PEX11B: variants seen among roughly 807,000 people sequenced by gnomAD.
PEX11B encodes the protein peroxisomal membrane protein 11B.
A neutral mutation model predicts 28.2 loss-of-function variants in PEX11B; 18 were observed. The observed-to-expected ratio is 0.64, with a 90% CI of 0.44 to 0.95. PEX11B has a LOEUF of 0.95. Among genes scored for constraint, PEX11B ranks in the 40% least tolerant of loss-of-function variants. The pLI is 0.00. For missense variants in PEX11B, 305 were observed against 319.8 expected, an observed-to-expected ratio of 0.95 and a Z score of 0.35; for synonymous variants, 128 against 128.7, an observed-to-expected ratio of 0.99 and a Z score of 0.04.
rs1334969207 is a variant in PEX11B at position 145,912,597 on chromosome 1, G to A, written c.375-31C>T. On this transcript the variant is annotated intron_variant, in intron 3 of 3. Transcript: ENST00000369306. ...ACACAGAGCAAAAGGGTCAGTAAGG[G>A]CATGTATACCTACTTAACATATCCA... 5 of 1,396,828 alleles carry A rather than the reference G, an allele frequency of 3.6e-6. No homozygotes were observed. The African/African-American group carries it at 7.2e-5, about 20-fold the overall frequency. 86.5% of individuals were successfully genotyped at this position (1,396,828 alleles called of 1,614,324 possible).
At chr1:145,918,301 T>C (rs1553754260) in intron 1 of PEX11B, 33 of 1,479,216 alleles carry the variant, frequency 2.2e-5, no homozygotes, top group Non-Finnish European at 2.8e-5. Context: ...CCTCCTCAGC[T>C]CTGGGGGCAG....
intron 3 of PEX11B, among the ~76,000 whole-genome samples, chr1:145,914,518 CA>C (rs1647276082): frequency 6.6e-6 from 1 of 152,190 alleles, no homozygotes; most frequent in African/African-American, 2.4e-5. Context: ...TACCTTGTAT[CA>C]TTCTTTCCTG....
rs1657792854 is a variant in PEX11B at position 145,911,680 on chromosome 1, A to G, written c.*481T>C. 6.3e-6 allele frequency: 1 copy of G among 158,344 alleles called. No individual in the cohort carries two copies. Among genetic ancestry groups the G allele is most frequent in the African/African-American group, 2.4e-5 (1 of 42,240 alleles). The allele number at this position is 158,344 out of a possible 1,614,324, so 9.8% of individuals were successfully genotyped here. A position where few individuals can be genotyped will look rare whatever the true frequency, so the allele number is the denominator to read the frequency against. ...ATAAGGGAAGAGTCCACTGGCACAT[A>G]GTCTTAAAAATTATGTTTGGAGTTT... On this transcript the variant is annotated 3_prime_UTR_variant, in exon 4 of 4. Transcript: ENST00000369306.
In PEX11B at chr1:145,917,813, G is replaced by T. The variant is rs201762770; in HGVS notation, c.60C>A (p.Ala20=). Residue 20 remains alanine, a synonymous_variant, in exon 2 of 4, where the codon GCC becomes GCA. Transcript: ENST00000369306. ...CAAGAAGAGAGCAAGCATACTGGGC[G>T]GCCCTAGAGGAGAGGGCAGGCAAGG... ...QSQARERLCR[A]AQYACSLLGH... is the part of the protein sequence containing the mutation. 1.9e-6 allele frequency: 3 copies of T among 1,606,892 alleles called. No homozygotes were observed. Among genetic ancestry groups the T allele is most frequent in the Non-Finnish European group, 2.6e-6 (3 of 1,173,452 alleles).
intron 3 of PEX11B, among the ~76,000 whole-genome samples, chr1:145,913,968 C>A (rs1269659199): frequency 2.0e-5 from 3 of 152,210 alleles, no homozygotes; most frequent in Non-Finnish European, 4.4e-5. Flanking sequence ...TGGACTTCTG[C>A]TTTAATGTTT....
rs1241370311 is a variant in PEX11B at position 145,917,097 on chromosome 1, G to A, written c.173-79C>T. On this transcript the variant is annotated intron_variant, in intron 2 of 3. Coordinates refer to ENST00000369306, the MANE Select transcript of PEX11B (RefSeq NM_003846.3). ...CAAGAAACAGAAACAGAGAAAGCAA[G>A]AGGGCAAAAGTTGAGCAATAATAAT... 8 of 926,610 alleles carry A rather than the reference G, an allele frequency of 8.6e-6. No homozygotes were observed. The African/African-American group carries it at 9.7e-5, about 11-fold the overall frequency. The allele number at this position is 926,610 out of a possible 1,614,324, so 57.4% of individuals were successfully genotyped here. A position where few individuals can be genotyped will look rare whatever the true frequency, so the allele number is the denominator to read the frequency against.
In PEX11B at chr1:145,912,328, G is replaced by A. The variant is rs782621449; in HGVS notation, c.613C>T (p.Pro205Ser). The change falls in exon 4 of 4, where the codon CCC becomes TCC. Residue 205 changes from proline (P) to serine (S), a missense_variant. Transcript: ENST00000369306. ...CTGACCACGTCTAGCAGAAGTGGGG[G>A]ATGACCTCTAAGGACTCGAGCCAGG... ...LLLARVLRGH[P>S]PLLLDVVRNA... 9 of 1,613,932 alleles carry A rather than the reference G, an allele frequency of 5.6e-6. No individual in the cohort carries two copies. The Admixed American group carries it at 1.5e-4, about 27-fold the overall frequency.
intron 3 of PEX11B, among the ~76,000 whole-genome samples, chr1:145,914,460 C>T (rs1425285536): frequency 6.6e-6 from 1 of 152,070 alleles, no homozygotes; most frequent in Non-Finnish European, 1.5e-5. Flanking sequence ...ATATAAATAC[C>T]TTAGAGAGGC....
chr1:145,912,225 C>T lies in PEX11B; in HGVS notation c.716G>A (p.Gly239Asp). 4 of 1,613,960 alleles carry T rather than the reference C, an allele frequency of 2.5e-6. No homozygotes were observed. Among genetic ancestry groups the T allele is most frequent in the Non-Finnish European group, 3.4e-6 (4 of 1,179,946 alleles). Residue 239 changes from glycine (G) to aspartate (D), a missense_variant, in exon 4 of 4, where the codon GGC becomes GAC. Physicochemically the swap from Gly to Asp is moderately conservative, Grantham distance 94. Coordinates refer to ENST00000369306, the MANE Select transcript of PEX11B (RefSeq NM_003846.3). The stretch of plus-strand genomic sequence containing the variant: ...AATAGACAGGATGGAGGACACGAGG[C>T]CACAAAGCCCCACAATCCCAGGGCC... ...RCGPGIVGLCGLVSSILSILT... is the reference protein window; with the variant it reads ...RCGPGIVGLCDLVSSILSILT...
chr1:145,913,539 T>G (rs1297081658), intron 3 of PEX11B, among the ~76,000 whole-genome samples: 1 of 151,720 alleles, frequency 6.6e-6, no homozygotes, highest in Non-Finnish European at 1.5e-5. Context: ...TTAAACTCCA[T>G]GAGCATCATG....
intron 1 of PEX11B, chr1:145,918,271 G>A: frequency 1.0e-6 from 1 of 985,448 alleles, no homozygotes; most frequent in Non-Finnish European, 1.2e-6. Context: ...CACGGTGTGG[G>A]GACACGGAAA....
intron 2 of PEX11B, among the ~76,000 whole-genome samples, chr1:145,917,401 G>T (rs587630518): frequency 1.3e-5 from 2 of 152,208 alleles, no homozygotes; most frequent in African/African-American, 4.8e-5. Context: ...ACTGCACTCT[G>T]ACCTGGACGA....
chr1:145,916,747 C>G, intron 3 of PEX11B, 70 bp downstream of exon 3: 6 of 1,071,980 alleles, frequency 5.6e-6, no homozygotes, highest in Non-Finnish European at 8.7e-6. Flanking sequence ...ATATCTTTCC[C>G]TCATATAAGA....
chr1:145,914,373 C>CAAA (rs782609110), intron 3 of PEX11B, among the ~76,000 whole-genome samples: 1 of 116,524 alleles, frequency 8.6e-6, no homozygotes, highest in African/African-American at 3.0e-5. Flanking sequence ...GACTCCATCT[C>CAAA]AAAAAAAAAA....
In PEX11B at chr1:145,912,154, C is replaced by T. The variant is rs373092520; in HGVS notation, c.*7G>A. 2.3e-5 allele frequency: 37 copies of T among 1,581,148 alleles called. No homozygotes were observed. Among genetic ancestry groups the T allele is most frequent in the South Asian group, 5.8e-5 (5 of 85,636 alleles). On this transcript the variant is annotated 3_prime_UTR_variant, in exon 4 of 4. Transcript: ENST00000369306. ...TTCAGGTCCCCTCCTTATCCTGTACCGGAAGGTCAGGGCTTGAGTCGTAGC... is the reference window on the plus strand; with the variant it reads ...TTCAGGTCCCCTCCTTATCCTGTACTGGAAGGTCAGGGCTTGAGTCGTAGC...
rs1553754024 is a variant in PEX11B, at chr1:145,917,025, G to A, written c.173-7C>T. On this transcript the variant is annotated splice_region_variant and splice_polypyrimidine_tract_variant and intron_variant, in intron 2 of 3. Coordinates refer to ENST00000369306, the MANE Select transcript of PEX11B (RefSeq NM_003846.3). ...GAGTTACCCAGGCGTAGAACTTGTG[G>A]AGATTAGAAAGGGAAAGCAAGGATT... 3.1e-6 allele frequency: 5 copies of A among 1,596,288 alleles called. No individual in the cohort carries two copies. The African/African-American group carries it at 5.4e-5, about 17-fold the overall frequency.
chr1:145,916,330 C>A (rs1316922765), intron 3 of PEX11B, among the ~76,000 whole-genome samples: 1 of 152,206 alleles, frequency 6.6e-6, no homozygotes, highest in Non-Finnish European at 1.5e-5. Flanking sequence ...ATTTTCCAAT[C>A]TAAATTAGCT....
intron 3 of PEX11B, 35 bp downstream of exon 3, chr1:145,916,781 CA>C (rs782055656): frequency 4.1e-4 from 596 of 1,459,872 alleles, no homozygotes; most frequent in Middle Eastern, 8.5e-4. Context: ...ATAGAGGCTA[CA>C]AAAAAAAATC....
chr1:145,912,947 T>C (rs1657872770), intron 3 of PEX11B, among the ~76,000 whole-genome samples: 1 of 151,672 alleles, frequency 6.6e-6, no homozygotes. Flanking sequence ...AATTGGCCAG[T>C]TGTGGTGGCC....
Sources: gnomAD v4.1 joint callset for allele counts (sites outside exome capture counted in the v4.1 genomes callset) on GRCh38, gnomAD v4.1.1 for gene constraint, MANE v1.5 for transcripts, NCBI Gene and HGNC (gene_info 2026-07-23, HGNC 2026-07-21) for gene names.